DOCK7: variants seen among roughly 807,000 people sequenced by gnomAD.
DOCK7 encodes the protein dedicator of cytokinesis protein 7.
A neutral mutation model predicts 271.0 loss-of-function variants in DOCK7; 138 were observed. The observed-to-expected ratio is 0.51, with a 90% CI of 0.44 to 0.59. DOCK7 has a LOEUF of 0.59. Ranked by LOEUF, DOCK7 falls within the 20% of genes least tolerant of loss-of-function variation. DOCK7 has a pLI of 0.00. For synonymous variants in DOCK7, 823 were observed against 876.1 expected, an observed-to-expected ratio of 0.94 and a Z score of 1.07; for missense variants, 2,066 against 2,592.4, an observed-to-expected ratio of 0.80 and a Z score of 4.41.
intron 18 of DOCK7, among the ~76,000 whole-genome samples, chr1:62,568,949 G>A (rs879955477): frequency 6.6e-6 from 1 of 151,980 alleles, no homozygotes; most frequent in African/African-American, 2.4e-5. Flanking sequence ...GACCATCAGA[G>A]AATGTACTAC....
In DOCK7 at chr1:62,636,573, T is replaced by TAA. The variant is rs1655299669; in HGVS notation, c.848_849insTT (p.Ser284Ter). 6.2e-7 allele frequency: 1 copy of TAA among 1,603,084 alleles called. No individual in the cohort carries two copies. The highest frequency in any genetic ancestry group is 8.5e-7 in the Non-Finnish European group (1 of 1,173,350). Reference sequence around the variant, plus strand: ...CCTTGACATCATATAAAGCCAAACTTGCAAAAATGGGTTCAATTTCAATTT... The same window carrying TAA: ...CCTTGACATCATATAAAGCCAAACTTAAGCAAAAATGGGTTCAATTTCAATTT... On this transcript the variant is annotated frameshift_variant, in exon 8 of 50. Coordinates refer to ENST00000635253, the MANE Select transcript of DOCK7 (RefSeq NM_001367561.1). LOFTEE classifies it high-confidence loss of function.
At chr1:62,529,489 C>CACA in intron 29 of DOCK7, 43 bp from the exon 30 acceptor site, 1 of 1,484,766 alleles carries the variant, frequency 6.7e-7, no homozygotes, top group Non-Finnish European at 9.1e-7. Flanking sequence ...GCAGTAAGGC[C>CACA]ACAGAGATTA....
At chr1:62,554,511 C>G (rs924002133) in intron 21 of DOCK7, among the ~76,000 whole-genome samples, 3 of 141,342 alleles carry the variant, frequency 2.1e-5, no homozygotes, top group African/African-American at 7.9e-5. Flanking sequence ...CAATGCCTCC[C>G]TTTTTGCCTG....
At chr1:62,544,920 T>C (rs1375852663) in intron 23 of DOCK7, 27 bp downstream of exon 23, 1 of 1,516,610 alleles carries the variant, frequency 6.6e-7, no homozygotes, top group African/African-American at 1.4e-5. Flanking sequence ...CAGCAGCCAA[T>C]AAAGAAACCT....
chr1:62,683,446 C>A (rs765264032), intron 1 of DOCK7, among the ~76,000 whole-genome samples: 3 of 152,168 alleles, frequency 2.0e-5, no homozygotes, highest in Non-Finnish European at 2.9e-5. Flanking sequence ...GGAAATCCCA[C>A]TCATGTAAGA....
intron 22 of DOCK7, among the ~76,000 whole-genome samples, chr1:62,546,049 T>G (rs1645696966): frequency 6.6e-6 from 1 of 152,066 alleles, no homozygotes; most frequent in African/African-American, 2.4e-5. Flanking sequence ...CAAGCTGATG[T>G]AAACATATCA....
intron 48 of DOCK7, among the ~76,000 whole-genome samples, chr1:62,468,360 C>CAAAAAAAAAAAAA (rs201784083): frequency 1.1e-5 from 1 of 93,082 alleles, no homozygotes; most frequent in Non-Finnish European, 2.3e-5. Context: ...GACTCTGTCT[C>CAAAAAAAAAAAAA]AAAAAAAAAA....
In DOCK7 at chr1:62,504,732, G is replaced by A; in HGVS notation, c.4662C>T (p.Cys1554=). Residue 1554 remains cysteine (C), a synonymous_variant, in exon 37 of 50, where the codon TGC becomes TGT. Transcript: ENST00000635253. ...EEETEQCADL[C]LRLLRHCSSS... is the part of the protein sequence containing the mutation. ...TGCTACAGTGTCGGAGAAGCCTGAG[G>A]CATAAATCAGCACACTGCTCTGTCT... The A allele has an allele frequency of 6.2e-7, 1 of 1,614,064 alleles. No homozygotes were observed. The highest frequency in any genetic ancestry group is 8.5e-7 in the Non-Finnish European group (1 of 1,179,996).
intron 23 of DOCK7, among the ~76,000 whole-genome samples, chr1:62,544,623 T>G (rs1264752328): frequency 6.6e-6 from 1 of 152,002 alleles, no homozygotes; most frequent in African/African-American, 2.4e-5. Flanking sequence ...CGTAAAAAAT[T>G]TAAAAATTGC....
Position 62,543,619 on chromosome 1 carries a change from T to C in DOCK7, c.2949+37A>G, listed in dbSNP as rs369776247. ...TACATCTATTTAATTGGTGAAATTA[T>C]TTTCCCCCTCTATGAATTGTCTTCA... On this transcript the variant is annotated intron_variant, in intron 24 of 49. Transcript: ENST00000635253. The C allele has an allele frequency of 2.1e-4, 300 of 1,462,536 alleles. 1 individual carries two copies. In the African/African-American group the frequency reaches 3.7e-3, roughly 18 times the overall value. The allele number at this position is 1,462,536 out of a possible 1,614,324, so 90.6% of individuals were successfully genotyped here.
chr1:62,497,707 C>T (rs1646662558), intron 37 of DOCK7, among the ~76,000 whole-genome samples: 1 of 152,082 alleles, frequency 6.6e-6, no homozygotes, highest in African/African-American at 2.4e-5. Context: ...TCATATCTCT[C>T]AGTCTAACCT....
At chr1:62,582,179 A>G (rs1647146391) in intron 16 of DOCK7, among the ~76,000 whole-genome samples, 1 of 152,186 alleles carries the variant, frequency 6.6e-6, no homozygotes, top group South Asian at 2.1e-4. Context: ...CTGAGAGTAA[A>G]GCACATAGAA....
intron 4 of DOCK7, among the ~76,000 whole-genome samples, chr1:62,651,301 G>A (rs1462583653): frequency 1.6e-5 from 2 of 127,212 alleles, no homozygotes; most frequent in East Asian, 5.0e-4. Flanking sequence ...GTTGTGGGGT[G>A]GGGGGAGGGG....
At chr1:62,660,260 A>G (rs183935232) in intron 2 of DOCK7, among the ~76,000 whole-genome samples, 22 of 152,358 alleles carry the variant, frequency 1.4e-4, no homozygotes, top group African/African-American at 4.8e-4. Flanking sequence ...GAAAGTGGCA[A>G]CAGAAAGATA....
intron 1 of DOCK7, among the ~76,000 whole-genome samples, chr1:62,664,932 T>A (rs1478976624): frequency 1.3e-5 from 2 of 152,188 alleles, no homozygotes; most frequent in Non-Finnish European, 2.9e-5. Flanking sequence ...GGGCAAATTA[T>A]GTAATCCTTT....
intron 14 of DOCK7, among the ~76,000 whole-genome samples, chr1:62,617,882 G>A (rs1652653063): frequency 6.6e-6 from 1 of 152,022 alleles, no homozygotes; most frequent in Non-Finnish European, 1.5e-5. Flanking sequence ...TTTGGAAGTA[G>A]AGCCTATGTA....
chr1:62,547,494 G>A (rs990867786), intron 22 of DOCK7, among the ~76,000 whole-genome samples: 2 of 151,990 alleles, frequency 1.3e-5, no homozygotes, highest in African/African-American at 2.4e-5. Flanking sequence ...GGCCCATACT[G>A]TATTTGATGT....
intron 14 of DOCK7, among the ~76,000 whole-genome samples, chr1:62,611,761 T>C (rs1651814740): frequency 2.0e-5 from 3 of 152,028 alleles, no homozygotes; most frequent in Admixed American, 2.0e-4. Flanking sequence ...ATAATAAGCT[T>C]ATTCAACTAC....
intron 43 of DOCK7, chr1:62,487,134 C>G: frequency 3.2e-6 from 1 of 307,950 alleles, no homozygotes; most frequent in South Asian, 9.7e-5. Context: ...AGGGTAAAAA[C>G]TAAAGTGATG....
Sources: gnomAD v4.1 joint callset for allele counts (sites outside exome capture counted in the v4.1 genomes callset) on GRCh38, gnomAD v4.1.1 for gene constraint, MANE v1.5 for transcripts, NCBI Gene and HGNC (gene_info 2026-07-23, HGNC 2026-07-21) for gene names.